CCDC34: variants seen among roughly 807,000 people sequenced by gnomAD.
CCDC34 encodes coiled-coil domain-containing protein 34.
CCDC34 carries 40 observed loss-of-function variants against 44.1 expected under a neutral mutation model. The observed-to-expected ratio is 0.91, with a 90% CI of 0.70 to 1.18. The LOEUF is 1.18. CCDC34 is among the 50% of genes most tolerant of loss of function. CCDC34 has a pLI of 0.00. For synonymous variants in CCDC34, 159 were observed against 158.2 expected (o/e 1.01, Z -0.04); for missense variants, 466 against 452.3 (o/e 1.03, Z -0.28).
At chr11:27,352,048 G>A (rs114291881) in intron 2 of CCDC34, among the ~76,000 whole-genome samples, 72 of 152,266 alleles carry the variant, frequency 4.7e-4, no homozygotes, top group African/African-American at 1.6e-3. Context: ...GAAGACTGAC[G>A]AAGAGTGTGC....
rs1385052334 is a variant in CCDC34 at position 27,338,632 on chromosome 11, T to C, written c.*189A>G. The C allele has an allele frequency of 3.7e-6, 2 of 547,412 alleles. No individual in the cohort carries two copies. The highest frequency in any genetic ancestry group is 6.3e-6 in the Non-Finnish European group (2 of 316,866). 33.9% of individuals were successfully genotyped at this position (547,412 alleles called of 1,614,324 possible). The stretch of plus-strand genomic sequence containing the variant: ...CAAAACAACATGCCAAGATCAACCT[T>C]AAAAAGTTTATAAAAACCAAAATCC... On this transcript the variant is annotated 3_prime_UTR_variant, in exon 6 of 6. Coordinates refer to ENST00000328697, the MANE Select transcript of CCDC34 (RefSeq NM_030771.2).
intron 1 of CCDC34, among the ~76,000 whole-genome samples, chr11:27,358,957 G>GT (rs1590331812): frequency 2.6e-5 from 1 of 38,166 alleles, no homozygotes; most frequent in Non-Finnish European, 1.1e-4. Context: ...TCAACATGTG[G>GT]ACCCCCCCCC....
intron 1 of CCDC34, among the ~76,000 whole-genome samples, chr11:27,358,965 C>G (rs904263599): frequency 6.0e-5 from 7 of 116,644 alleles, no homozygotes; most frequent in South Asian, 4.5e-4. Flanking sequence ...TGGACCCCCC[C>G]CCCCCACCGC....
At chr11:27,340,372 C>T (rs182890344) in intron 5 of CCDC34, among the ~76,000 whole-genome samples, 5 of 152,158 alleles carry the variant, frequency 3.3e-5, no homozygotes, top group South Asian at 4.2e-4. Context: ...GGAGGCAAAA[C>T]GACCCCTTAA....
chr11:27,350,553 G>T, intron 2 of CCDC34, 114 bp from the exon 3 acceptor site: 1 of 983,176 alleles, frequency 1.0e-6, no homozygotes, highest in Non-Finnish European at 1.5e-6. Flanking sequence ...TTCCTTTATG[G>T]AGCATATGCC....
intron 3 of CCDC34, chr11:27,350,050 C>T (rs1192684893): frequency 1.6e-6 from 2 of 1,259,846 alleles, no homozygotes; most frequent in African/African-American, 1.5e-5. Flanking sequence ...CTTGGAGGCA[C>T]TTGCCATAAG....
At chr11:27,357,261 A>T in intron 2 of CCDC34, 142 bp downstream of exon 2, 1 of 656,984 alleles carries the variant, frequency 1.5e-6, no homozygotes, top group Non-Finnish European at 2.4e-6. Context: ...ATAACTTATT[A>T]GTTATTAAAT....
intron 1 of CCDC34, among the ~76,000 whole-genome samples, chr11:27,361,113 A>C (rs1288983228): frequency 6.6e-6 from 1 of 152,224 alleles, no homozygotes; most frequent in Non-Finnish European, 1.5e-5. Flanking sequence ...TGCCACACAC[A>C]ATGCTTGACA....
At chr11:27,340,913 T>C in intron 4 of CCDC34, 76 bp from the exon 5 acceptor site, 1 of 1,418,302 alleles carries the variant, frequency 7.1e-7, no homozygotes, top group Non-Finnish European at 9.6e-7. Flanking sequence ...ACTGATTTTT[T>C]TTTCTCCAGT....
chr11:27,346,399 A>G (rs1190811675), intron 3 of CCDC34, among the ~76,000 whole-genome samples: 2 of 150,856 alleles, frequency 1.3e-5, no homozygotes, highest in African/African-American at 4.9e-5. Context: ...TGACTCAAAA[A>G]AAAAGAGACA....
chr11:27,343,435 T>G (rs1190300026), intron 3 of CCDC34, among the ~76,000 whole-genome samples: 1 of 151,804 alleles, frequency 6.6e-6, no homozygotes, highest in Non-Finnish European at 1.5e-5. Flanking sequence ...CTCAAGTAAT[T>G]CCCCAAGTTG....
At chr11:27,348,892 T>G in intron 3 of CCDC34, 2 of 981,766 alleles carry the variant, frequency 2.0e-6, no homozygotes, top group Non-Finnish European at 2.4e-6. Flanking sequence ...TCAGTTTTAT[T>G]TTTAAATAAT....
Position 27,363,125 on chromosome 11 carries a change from G to A in CCDC34, c.70C>T (p.Pro24Ser), listed in dbSNP as rs1862696681. Residue 24 changes from proline to serine, a missense_variant, in exon 1 of 6, where the codon CCC (proline) becomes TCC (serine). Physicochemically the swap from Pro to Ser is moderately conservative, Grantham distance 74 (BLOSUM62 -1). Coordinates refer to ENST00000328697, the MANE Select transcript of CCDC34 (RefSeq NM_030771.2). ...GAGTCCGAGGAGGGCCGAGACCTGG[G>A]TCTGCAGTCAGCAGAGAAACCGGCG... ...SYAGFSADCR[P>S]RSRPSSDSCS... The A allele has an allele frequency of 4.5e-6, 7 of 1,564,584 alleles. No homozygotes were observed. Among genetic ancestry groups the A allele is most frequent in the Non-Finnish European group, 6.1e-6 (7 of 1,156,178 alleles).
chr11:27,362,821 C>T lies in CCDC34; in HGVS notation c.359+15G>A, dbSNP rs1862686971. Reference sequence around the variant, plus strand: ...CTTGAAAAGGGCTGAATCGGCCGGGCGGCCTCGGGTTTACCTGGCGCACCC... The same window carrying T: ...CTTGAAAAGGGCTGAATCGGCCGGGTGGCCTCGGGTTTACCTGGCGCACCC... On this transcript the variant is annotated intron_variant, in intron 1 of 5. Coordinates refer to ENST00000328697, the MANE Select transcript of CCDC34 (RefSeq NM_030771.2). 6.2e-7 allele frequency: 1 copy of T among 1,608,672 alleles called. No homozygotes were observed. The highest frequency in any genetic ancestry group is 8.5e-7 in the Non-Finnish European group (1 of 1,176,686).
Position 27,350,320 on chromosome 11 carries a change from T to A in CCDC34, c.606+12A>T, listed in dbSNP as rs766336152. 1 of 1,613,976 alleles carries A rather than the reference T, an allele frequency of 6.2e-7. No individual in the cohort carries two copies. Among genetic ancestry groups the A allele is most frequent in the South Asian group, 1.1e-5 (1 of 91,026 alleles). The stretch of plus-strand genomic sequence containing the variant: ...GAGATGTCAATGTGTGTATCCATTT[T>A]CCCCTCCTTACTTGCTCATTCTTTT... On this transcript the variant is annotated intron_variant, in intron 3 of 5. Coordinates refer to ENST00000328697, the MANE Select transcript of CCDC34 (RefSeq NM_030771.2).
In CCDC34 at chr11:27,351,817, A is replaced by G. The variant is rs188763904; in HGVS notation, c.499-1378T>C. On this transcript the variant is annotated intron_variant, in intron 2 of 5. Coordinates refer to ENST00000328697, the MANE Select transcript of CCDC34 (RefSeq NM_030771.2). ...ACCAGGCTAGTCAGAAATGAGCACC[A>G]TACAAGGAACAGTGAAAAGATGGCT... is the stretch of plus-strand genomic sequence containing the variant. 3.1e-3 allele frequency among the ~76,000 whole-genome samples: 469 copies of G among 152,306 alleles called. 3 individuals are homozygous for G. Among genetic ancestry groups the G allele is most frequent in the African/African-American group, 0.01 (427 of 41,566 alleles).
chr11:27,357,278 T>C (rs2133349254), intron 2 of CCDC34, 125 bp downstream of exon 2: 2 of 838,950 alleles, frequency 2.4e-6, no homozygotes, highest in East Asian at 5.4e-5. Flanking sequence ...AAATTTGATA[T>C]AGTAAACTAA....
intron 3 of CCDC34, among the ~76,000 whole-genome samples, chr11:27,346,303 C>A (rs568565011): frequency 1.3e-5 from 2 of 151,328 alleles, no homozygotes; most frequent in South Asian, 4.2e-4. Context: ...GGCTGAGGCA[C>A]GAGAATTGCT....
At chr11:27,348,720 G>T in intron 3 of CCDC34, 1 of 496,364 alleles carries the variant, frequency 2.0e-6, no homozygotes, top group Non-Finnish European at 2.6e-6. Flanking sequence ...TGCCAGACAG[G>T]AAGAGAAGAA....
Sources: gnomAD v4.1 joint callset for allele counts (sites outside exome capture counted in the v4.1 genomes callset) on GRCh38, gnomAD v4.1.1 for gene constraint, MANE v1.5 for transcripts, NCBI Gene and HGNC (gene_info 2026-07-23, HGNC 2026-07-21) for gene names.